Variants in PPA2 observed in about 807,000 individuals in gnomAD.
PPA2 encodes inorganic pyrophosphatase 2, also known as inorganic pyrophosphatase 2, mitochondrial.
A neutral mutation model predicts 49.5 loss-of-function variants in PPA2; 48 were observed. That is an observed-to-expected ratio of 0.97 (90% confidence interval 0.77 to 1.23). The LOEUF is 1.23. Among genes scored for constraint, PPA2 ranks in the 50% most tolerant of loss-of-function variants. The probability of loss-of-function intolerance (pLI) is 0.00; values close to 1 mark genes in which losing one functional copy is unlikely to be tolerated. For synonymous variants in PPA2, 131 were observed against 139.9 expected, an observed-to-expected ratio of 0.94 and a Z score of 0.45; for missense variants, 429 against 410.1, an observed-to-expected ratio of 1.05 and a Z score of -0.40.
At chr4:105,433,912 C>A (rs1033400595) in intron 6 of PPA2, among the ~76,000 whole-genome samples, 2 of 152,206 alleles carry the variant, frequency 1.3e-5, no homozygotes, top group Non-Finnish European at 2.9e-5. Context: ...AATTTTACAA[C>A]TGCATATGTA....
chr4:105,403,784 C>T (rs965485800), intron 7 of PPA2, among the ~76,000 whole-genome samples: 4 of 151,996 alleles, frequency 2.6e-5, no homozygotes, highest in Admixed American at 6.6e-5. Flanking sequence ...CTAAGAGAAA[C>T]GTTTATGACT....
At chr4:105,418,993 A>T (rs1317062658) in intron 7 of PPA2, among the ~76,000 whole-genome samples, 1 of 152,190 alleles carries the variant, frequency 6.6e-6, no homozygotes, top group Middle Eastern at 3.2e-3. Flanking sequence ...AACCAAAGCT[A>T]TTATTCACAC....
chr4:105,411,103 A>G (rs895063328), intron 7 of PPA2, among the ~76,000 whole-genome samples: 1 of 152,226 alleles, frequency 6.6e-6, no homozygotes, highest in Non-Finnish European at 1.5e-5. Flanking sequence ...TGCCCCAATT[A>G]AAAGACACAG....
intron 7 of PPA2, among the ~76,000 whole-genome samples, chr4:105,401,121 G>A (rs72964256): frequency 0.013 from 2,013 of 152,170 alleles, 43 homozygotes; most frequent in African/African-American, 0.047. Flanking sequence ...TCCAGCTAAA[G>A]TGTATAAACT....
chr4:105,463,161 G>T (rs192491038), intron 1 of PPA2, among the ~76,000 whole-genome samples: 2 of 152,336 alleles, frequency 1.3e-5, no homozygotes, highest in African/African-American at 4.8e-5. Context: ...TTGTTAAGTG[G>T]CTTTGACCCA....
chr4:105,408,812 A>G (rs1225995642), intron 7 of PPA2, among the ~76,000 whole-genome samples: 1 of 152,242 alleles, frequency 6.6e-6, no homozygotes, highest in Non-Finnish European at 1.5e-5. Flanking sequence ...ATAAACAAGA[A>G]TACCTGAATA....
At chr4:105,396,782 CT>C (rs1734167914) in intron 8 of PPA2, among the ~76,000 whole-genome samples, 1 of 152,140 alleles carries the variant, frequency 6.6e-6, no homozygotes, top group South Asian at 2.1e-4. Context: ...TTGCCAACCC[CT>C]GATCCAAGTC....
Position 105,396,220 on chromosome 4 carries a change from T to A in PPA2, c.869+29A>T, listed in dbSNP as rs773754412. 3 of 1,394,960 alleles carry A rather than the reference T, an allele frequency of 2.2e-6. No individual in the cohort carries two copies. In the Admixed American group the frequency reaches 6.5e-5, roughly 30 times the overall value. 86.4% of individuals were successfully genotyped at this position (1,394,960 alleles called of 1,614,324 possible). Reference sequence around the variant, plus strand: ...CTGTTTAATACCAATTAATATAACATTACTTACATAGAAAAGACAAATTCT... The same window carrying A: ...CTGTTTAATACCAATTAATATAACAATACTTACATAGAAAAGACAAATTCT... On this transcript the variant is annotated intron_variant, in intron 9 of 11. Coordinates refer to ENST00000341695, the MANE Select transcript of PPA2 (RefSeq NM_176869.3).
At chr4:105,444,733 T>C (rs546808199) in intron 5 of PPA2, among the ~76,000 whole-genome samples, 1 of 152,342 alleles carries the variant, frequency 6.6e-6, no homozygotes, top group Non-Finnish European at 1.5e-5. Context: ...GTAGATGAAT[T>C]AGTAGTGCCT....
Position 105,437,957 on chromosome 4 carries a change from C to G in PPA2, c.521G>C (p.Gly174Ala). The part of the protein sequence containing the change: ...DNDPIDVCEI[G>A]SKILSCGEVI... ...ACAGTCTATAAAACAAACCTTTGAGCCTATTTCGCAAACATCAATAGGATC... is the reference window on the plus strand; with the variant it reads ...ACAGTCTATAAAACAAACCTTTGAGGCTATTTCGCAAACATCAATAGGATC... Residue 174 changes from glycine (G) to alanine (A), a missense_variant, in exon 6 of 12, where the codon GGC (glycine) becomes GCC (alanine). Transcript: ENST00000341695. 3 of 1,602,594 alleles carry G rather than the reference C, an allele frequency of 1.9e-6. No homozygotes were observed. The highest frequency in any genetic ancestry group is 2.5e-6 in the Non-Finnish European group (3 of 1,176,788).
chr4:105,472,287 T>C (rs2110337763), intron 1 of PPA2, among the ~76,000 whole-genome samples: 1 of 152,348 alleles, frequency 6.6e-6, no homozygotes, highest in South Asian at 2.1e-4. Context: ...CCAAATCCGG[T>C]ACTGGGTCAA....
chr4:105,408,045 C>A (rs773992444), intron 7 of PPA2, among the ~76,000 whole-genome samples: 1 of 151,928 alleles, frequency 6.6e-6, no homozygotes, highest in Non-Finnish European at 1.5e-5. Context: ...GAGTCCCAGC[C>A]CTGAAAGAGT....
At chr4:105,470,453 C>G (rs753873047) in intron 1 of PPA2, among the ~76,000 whole-genome samples, 27 of 151,918 alleles carry the variant, frequency 1.8e-4, no homozygotes, top group Non-Finnish European at 3.7e-4. Flanking sequence ...ACACTGTGCT[C>G]CAGCTTGGGC....
chr4:105,395,216 G>A (rs2110389127), intron 9 of PPA2, among the ~76,000 whole-genome samples: 1 of 152,192 alleles, frequency 6.6e-6, no homozygotes, highest in East Asian at 1.9e-4. Flanking sequence ...GGCAAAATGG[G>A]CCTTCTTGAT....
At chr4:105,418,337 C>T (rs557152942) in intron 7 of PPA2, among the ~76,000 whole-genome samples, 190 of 152,242 alleles carry the variant, frequency 1.2e-3, no homozygotes, top group African/African-American at 4.5e-3. Context: ...CATTAATTTG[C>T]TTATTTTTAA....
chr4:105,465,714 G>C (rs191679843), intron 1 of PPA2, among the ~76,000 whole-genome samples: 2 of 152,244 alleles, frequency 1.3e-5, no homozygotes, highest in South Asian at 2.1e-4. Flanking sequence ...TCCAGTCTTC[G>C]AGCATTCAGT....
intron 1 of PPA2, among the ~76,000 whole-genome samples, chr4:105,462,273 T>G: frequency 6.6e-6 from 1 of 152,162 alleles, no homozygotes; most frequent in Non-Finnish European, 1.5e-5. Flanking sequence ...CCACAGAATA[T>G]ATTAGTGATA....
At chr4:105,471,957 T>C (rs992073892) in intron 1 of PPA2, among the ~76,000 whole-genome samples, 24 of 152,220 alleles carry the variant, frequency 1.6e-4, no homozygotes, top group African/African-American at 5.1e-4. Context: ...TGTGGCACTC[T>C]AGTTACAGAA....
chr4:105,396,326 A>T lies in PPA2; in HGVS notation c.792T>A (p.Ala264=). 6.3e-7 allele frequency: 1 copy of T among 1,591,806 alleles called. No individual in the cohort carries two copies. The highest frequency in any genetic ancestry group is 8.5e-7 in the Non-Finnish European group (1 of 1,169,980). ...GATGAGTGGATTTAATAACTTCAAGAGCAAAAGCCTAGCTCCAAACAAACA... is the reference window on the plus strand; with the variant it reads ...GATGAGTGGATTTAATAACTTCAAGTGCAAAAGCCTAGCTCCAAACAAACA... The part of the protein sequence containing the change: ...FNGEFKNKAF[A]LEVIKSTHQC... Residue 264 remains alanine, a synonymous_variant, in exon 9 of 12, where the codon GCT becomes GCA. Coordinates refer to ENST00000341695, the MANE Select transcript of PPA2 (RefSeq NM_176869.3).
Sources: gnomAD v4.1 joint callset for allele counts (sites outside exome capture counted in the v4.1 genomes callset) on GRCh38, gnomAD v4.1.1 for gene constraint, MANE v1.5 for transcripts, NCBI Gene and HGNC (gene_info 2026-07-23, HGNC 2026-07-21) for gene names.